Variants in INTS10 observed in about 807,000 individuals in gnomAD.
The protein encoded by INTS10 is chromosome 8 open reading frame 35.
Under a neutral mutation model 94.4 loss-of-function variants are expected in INTS10, and 44 were observed. That is an observed-to-expected ratio of 0.47 (90% CI 0.37 to 0.60). The LOEUF (loss-of-function observed/expected upper bound fraction) is 0.60, where lower values mean the gene tolerates loss of function less well. Ranked by LOEUF, INTS10 falls within the 20% of genes least tolerant of loss-of-function variation. INTS10 has a pLI of 0.00. For synonymous variants in INTS10, 341 were observed against 320.7 expected, an observed-to-expected ratio of 1.06 and a Z score of -0.68; for missense variants, 797 against 868.7, an observed-to-expected ratio of 0.92 and a Z score of 1.04.
rs376902550 is a variant in INTS10, at chr8:19,851,597, G to T, written c.1977-52G>T. The T allele has an allele frequency of 7.5e-5, 117 of 1,564,500 alleles. No individual in the cohort carries two copies. Among genetic ancestry groups the T allele is most frequent in the Non-Finnish European group, 9.5e-5 (108 of 1,136,562 alleles). On this transcript the variant is annotated intron_variant, in intron 16 of 16. Transcript: ENST00000397977. The surrounding 1 kb of genome is among the most constrained non-coding windows in gnomAD (Gnocchi z 5.0). ...TCCTACCCAAGTAGCAGCGATCAGC[G>T]ATGCTGGTGCTAACCCCTGGTCTTT...
Position 19,851,143 on chromosome 8 carries a change from G to A in INTS10, c.1977-506G>A, listed in dbSNP as rs952580462. On this transcript the variant is annotated intron_variant, in intron 16 of 16. Transcript: ENST00000397977. The surrounding 1 kb of genome is among the most constrained non-coding windows in gnomAD (Gnocchi z 5.0). ...GAGAGACGTGCTTGTGACCCCGGCTGTGCAGGAGCCCTGAACCTTTCTGGG... is the reference window on the plus strand; with the variant it reads ...GAGAGACGTGCTTGTGACCCCGGCTATGCAGGAGCCCTGAACCTTTCTGGG... Among the ~76,000 whole-genome samples, 5 of 152,218 alleles carry A rather than the reference G, an allele frequency of 3.3e-5. No individual in the cohort carries two copies. The highest frequency in any genetic ancestry group is 4.8e-5 in the African/African-American group (2 of 41,458).
At chr8:19,824,569 T>C in intron 7 of INTS10, 1 of 446,532 alleles carries the variant, frequency 2.2e-6, no homozygotes, top group South Asian at 4.3e-5. Context: ...TTTGAACGTC[T>C]CCTAGATACT....
intron 8 of INTS10, among the ~76,000 whole-genome samples, chr8:19,825,253 G>A (rs961047607): frequency 4.6e-5 from 7 of 152,198 alleles, no homozygotes; most frequent in African/African-American, 9.6e-5. Context: ...CAGGCTGGGC[G>A]CTGTGGCTCA....
In INTS10 at chr8:19,823,420, C is replaced by A; in HGVS notation, c.643C>A (p.Gln215Lys). 6.2e-7 allele frequency: 1 copy of A among 1,603,986 alleles called. No individual in the cohort carries two copies. Among genetic ancestry groups the A allele is most frequent in the South Asian group, 1.1e-5 (1 of 90,758 alleles). ...TATCAATTATGTCACTAGGTCTACT[C>A]AAATAGAAAATCAGCATCAAGGTAA... ...FYINYVTRST[Q>K]IENQHQGAQD... Residue 215 changes from glutamine (Q) to lysine (K), a missense_variant, in exon 6 of 17, where the codon CAA becomes AAA. Gln to Lys is a moderately conservative substitution (Grantham distance 53). This residue lies in a region of INTS10 where 734 missense variants were observed against 787.8 expected (regional missense o/e 0.93). Transcript: ENST00000397977.
At chr8:19,839,095 A>C (rs1050477892) in intron 13 of INTS10, among the ~76,000 whole-genome samples, 21 of 152,022 alleles carry the variant, frequency 1.4e-4, no homozygotes, top group Admixed American at 1.4e-3. Flanking sequence ...AACAAACAAA[A>C]ATCAGTGTAA....
chr8:19,850,621 A>G (rs1302126014), intron 16 of INTS10, among the ~76,000 whole-genome samples: 1 of 152,178 alleles, frequency 6.6e-6, no homozygotes, highest in Non-Finnish European at 1.5e-5. Context: ...TGCCCAGAAC[A>G]TAAAAAAATC....
intron 8 of INTS10, among the ~76,000 whole-genome samples, chr8:19,826,119 G>A (rs184513259): frequency 1.1e-4 from 17 of 151,864 alleles, no homozygotes; most frequent in Admixed American, 5.2e-4. Flanking sequence ...TCGCTCTGTC[G>A]CCCAGGCTGG....
intron 1 of INTS10, among the ~76,000 whole-genome samples, chr8:19,817,893 T>C (rs1342425955): frequency 1.3e-5 from 2 of 150,270 alleles, no homozygotes; most frequent in African/African-American, 4.9e-5. Flanking sequence ...TCCCCAGCAC[T>C]TGAGAGACGG....
intron 2 of INTS10, among the ~76,000 whole-genome samples, chr8:19,819,161 G>A (rs1348150398): frequency 6.6e-6 from 1 of 152,132 alleles, no homozygotes; most frequent in Non-Finnish European, 1.5e-5. Context: ...TTGTCACTGT[G>A]ATAGGAGAAA....
intron 16 of INTS10, among the ~76,000 whole-genome samples, chr8:19,847,150 C>T (rs1356134035): frequency 6.6e-6 from 1 of 152,160 alleles, no homozygotes; most frequent in Non-Finnish European, 1.5e-5. Context: ...GTCTTGTGGA[C>T]TCCATTCTCA....
chr8:19,819,751 C>T, intron 3 of INTS10, 75 bp downstream of exon 3: 1 of 1,091,020 alleles, frequency 9.2e-7, no homozygotes, highest in Non-Finnish European at 1.4e-6. Context: ...ACAAAAAAGT[C>T]ACACCTGGGG....
Position 19,817,648 on chromosome 8 carries a change from G to C in INTS10, c.111G>C (p.Pro37=), listed in dbSNP as rs757111862. ...TGATCACGGCCCGCAGCCTCTACCC[G>C]GCAGACTTTAACATCCAGGTGAGGT... ...AWLITARSLY[P]ADFNIQYEMY... is the part of the protein sequence containing the mutation. The change falls in exon 1 of 17, where the codon CCG becomes CCC. Residue 37 remains proline, a synonymous_variant. Coordinates refer to ENST00000397977, the MANE Select transcript of INTS10 (RefSeq NM_018142.4). The C allele has an allele frequency of 4.4e-6, 7 of 1,607,086 alleles. No individual in the cohort carries two copies. In the Admixed American group the frequency reaches 1.0e-4, roughly 23 times the overall value.
Position 19,823,364 on chromosome 8 carries a change from A to C in INTS10, c.587A>C (p.Tyr196Ser). ...HDVRLPANLLYKYLNKAAEFY... is the reference protein window; with the variant it reads ...HDVRLPANLLSKYLNKAAEFY... ...GTTCGATTACCTGCCAATTTATTGT[A>C]TAAGTACTTGAACAAAGCAGCTGAA... The change falls in exon 6 of 17, where the codon TAT (tyrosine) becomes TCT (serine). Residue 196 changes from tyrosine to serine, a missense_variant. Tyr to Ser is a moderately radical substitution (Grantham distance 144, BLOSUM62 -2). Coordinates refer to ENST00000397977, the MANE Select transcript of INTS10 (RefSeq NM_018142.4). 6.2e-7 allele frequency: 1 copy of C among 1,600,452 alleles called. No individual in the cohort carries two copies. The highest frequency in any genetic ancestry group is 8.6e-7 in the Non-Finnish European group (1 of 1,167,576).
Position 19,843,026 on chromosome 8 carries a change from T to C in INTS10, c.1719+99T>C. Reference sequence around the variant, plus strand: ...ACCTTGCTAAGGATTGTTATTTTAGTACTTTTGAGGGCAGGCCCAAACAGT... The same window carrying C: ...ACCTTGCTAAGGATTGTTATTTTAGCACTTTTGAGGGCAGGCCCAAACAGT... On this transcript the variant is annotated intron_variant, in intron 14 of 16. Transcript: ENST00000397977. This position sits in a 1 kb window ranked among gnomAD's most constrained non-coding sequence, Gnocchi z 4.7. The C allele has an allele frequency of 1.2e-6, 1 of 858,978 alleles. No individual in the cohort carries two copies. The highest frequency in any genetic ancestry group is 2.5e-5 in the East Asian group (1 of 40,678). The allele number at this position is 858,978 out of a possible 1,614,324, so 53.2% of individuals were successfully genotyped here.
intron 3 of INTS10, 59 bp from the exon 4 acceptor site, chr8:19,820,320 G>T (rs2066271536): frequency 6.5e-7 from 1 of 1,543,114 alleles, no homozygotes; most frequent in Non-Finnish European, 8.8e-7. Context: ...ACTCAGCACT[G>T]TTGCTGCAGT....
chr8:19,823,017 A>T (rs2066506367), intron 5 of INTS10, among the ~76,000 whole-genome samples: 1 of 152,200 alleles, frequency 6.6e-6, no homozygotes, highest in South Asian at 2.1e-4. Flanking sequence ...CTCTGAAAGA[A>T]TATGCATAGC....
At position 19,836,977 on chromosome 8, in the gene INTS10, A is replaced by T; in HGVS notation, c.1531-75A>T. On this transcript the variant is annotated intron_variant, in intron 12 of 16. Coordinates refer to ENST00000397977, the MANE Select transcript of INTS10 (RefSeq NM_018142.4). ...TACACATTGCCTGATTGTATGCTGC[A>T]AATATTTTGGTACTTTATTTGATTT... 4 of 929,052 alleles carry T rather than the reference A, an allele frequency of 4.3e-6. No individual in the cohort carries two copies. In the South Asian group the frequency reaches 5.3e-5, roughly 12 times the overall value. The allele number at this position is 929,052 out of a possible 1,614,324, so 57.6% of individuals were successfully genotyped here. A position where few individuals can be genotyped will look rare whatever the true frequency, so the allele number is the denominator to read the frequency against.
At chr8:19,819,540 C>A in intron 2 of INTS10, 33 bp from the exon 3 acceptor site, 1 of 1,514,532 alleles carries the variant, frequency 6.6e-7, no homozygotes, top group Non-Finnish European at 9.0e-7. Context: ...TAGACTTTGA[C>A]ATTTTAATTT....
chr8:19,817,542 C>T lies in INTS10; in HGVS notation c.5C>T (p.Ser2Phe), dbSNP rs1032767946. M[S>F]AQGDCEFLVQ... is the part of the protein sequence containing the mutation. ...CGGCTGGAGAGCGCTCGGGTCATGTCTGCCCAGGGGGACTGCGAGTTCCTG... is the reference window on the plus strand; with the variant it reads ...CGGCTGGAGAGCGCTCGGGTCATGTTTGCCCAGGGGGACTGCGAGTTCCTG... The change falls in exon 1 of 17, where the codon TCT becomes TTT. Residue 2 changes from serine (S) to phenylalanine (F), a missense_variant. By Grantham distance (155) the Ser-to-Phe change is radical (BLOSUM62 -2). This residue lies in a region of INTS10 where 734 missense variants were observed against 787.8 expected (regional missense o/e 0.93). Coordinates refer to ENST00000397977, the MANE Select transcript of INTS10 (RefSeq NM_018142.4). 1 of 1,607,476 alleles carries T rather than the reference C, an allele frequency of 6.2e-7. No individual in the cohort carries two copies. The highest frequency in any genetic ancestry group is 8.5e-7 in the Non-Finnish European group (1 of 1,178,112).
Sources: allele counts gnomAD v4.1 joint callset (sites outside exome capture counted in the v4.1 genomes callset), GRCh38; gene constraint gnomAD v4.1.1; regional missense constraint gnomAD v4.1.1; non-coding constraint Gnocchi (gnomAD v3.1); transcripts MANE v1.5; gene names NCBI Gene and HGNC (gene_info 2026-07-23, HGNC 2026-07-21).